ZNF37A: variants seen among roughly 807,000 people sequenced by gnomAD.
ZNF37A encodes zinc finger protein 37A.
Under a neutral mutation model 12.3 loss-of-function variants are expected in ZNF37A, and 10 were observed. That is an observed-to-expected ratio of 0.82 (90% CI 0.50 to 1.38). The LOEUF (loss-of-function observed/expected upper bound fraction) is 1.38, where lower values mean the gene tolerates loss of function less well. ZNF37A is among the 40% of genes most tolerant of loss of function. The pLI, the probability that ZNF37A is intolerant of heterozygous loss-of-function variation, is 0.00. For synonymous variants in ZNF37A, 207 were observed against 223.0 expected, an observed-to-expected ratio of 0.93 and a Z score of 0.64; for missense variants, 580 against 651.2, an observed-to-expected ratio of 0.89 and a Z score of 1.19.
rs1425865870 is a variant in ZNF37A, at chr10:38,121,525, T to A, written c.*2688T>A. 2.6e-5 allele frequency: 4 copies of A among 151,546 alleles called. No individual in the cohort carries two copies. The highest frequency in any genetic ancestry group is 7.3e-5 in the African/African-American group (3 of 41,140). 9.4% of individuals were successfully genotyped at this position (151,546 alleles called of 1,614,324 possible). A position where few individuals can be genotyped will look rare whatever the true frequency, so the allele number is the denominator to read the frequency against. On this transcript the variant is annotated 3_prime_UTR_variant, in exon 8 of 8. Coordinates refer to ENST00000685332, the MANE Select transcript of ZNF37A (RefSeq NM_001324250.3). Reference sequence around the variant, plus strand: ...CTGCTGGCACCAAGAGGGCTGAGGGTGAGGTGTGGAAGGGACAGGGGGAGG... The same window carrying A: ...CTGCTGGCACCAAGAGGGCTGAGGGAGAGGTGTGGAAGGGACAGGGGGAGG...
chr10:38,133,346 A>G (rs1376239720), intron 7 of ZNF37A, among the ~76,000 whole-genome samples: 1 of 152,152 alleles, frequency 6.6e-6, no homozygotes, highest in Non-Finnish European at 1.5e-5. Flanking sequence ...TTTAAGTTCT[A>G]GGGTACATGT....
rs371424835 is a variant in ZNF37A, at chr10:38,094,358, G to C, written c.-624G>C. On this transcript the variant is annotated 5_prime_UTR_variant, in exon 1 of 8. Transcript: ENST00000685332. Reference sequence around the variant, plus strand: ...GTGGGAGATGTAGTGTGCACTTTTCGGCCCCCGTCGCGGGAGCCGCTTCGG... The same window carrying C: ...GTGGGAGATGTAGTGTGCACTTTTCCGCCCCCGTCGCGGGAGCCGCTTCGG... 0.4 allele frequency: 60,647 copies of C among 151,514 alleles called. 12,336 individuals carry two copies. The highest frequency in any genetic ancestry group is 0.5 in the East Asian group (2,530 of 5,098). The allele number at this position is 151,514 out of a possible 1,614,324, so 9.4% of individuals were successfully genotyped here.
chr10:38,103,172 G>A (rs568752836), intron 5 of ZNF37A, among the ~76,000 whole-genome samples: 2 of 152,054 alleles, frequency 1.3e-5, no homozygotes, highest in Non-Finnish European at 2.9e-5. Context: ...TTATTAACTT[G>A]TGGGTATGTT....
At chr10:38,144,961 AGTAAAAT>A (rs1038305669) in intron 7 of ZNF37A, among the ~76,000 whole-genome samples, 15 of 152,198 alleles carry the variant, frequency 9.9e-5, no homozygotes, top group African/African-American at 3.1e-4. Flanking sequence ...CAATGCATTT[AGTAAAAT>A]GATGGATTTA....
intron 5 of ZNF37A, among the ~76,000 whole-genome samples, chr10:38,104,034 G>T (rs2067816292): frequency 6.6e-6 from 1 of 152,180 alleles, no homozygotes; most frequent in African/African-American, 2.4e-5. Context: ...CATGCATATT[G>T]TCTTGGACTT....
Position 38,118,350 on chromosome 10 carries a change from A to T in ZNF37A, c.1199A>T (p.Lys400Ile). The stretch of plus-strand genomic sequence containing the variant: ...TTTCTCAGAAAATCAGACCTCATTA[A>T]ACATCAAAGAATACACACAGGTGAA... ...KAFLRKSDLI[K>I]HQRIHTGEKP... The change falls in exon 8 of 8, where the codon AAA becomes ATA. Residue 400 changes from lysine to isoleucine, a missense_variant. Physicochemically the swap from Lys to Ile is moderately radical, Grantham distance 102 (BLOSUM62 -3). Coordinates refer to ENST00000685332, the MANE Select transcript of ZNF37A (RefSeq NM_001324250.3). 6.2e-7 allele frequency: 1 copy of T among 1,612,688 alleles called. No individual in the cohort carries two copies. The highest frequency in any genetic ancestry group is 8.5e-7 in the Non-Finnish European group (1 of 1,179,624).
chr10:38,110,984 A>G (rs1400654010), intron 5 of ZNF37A, among the ~76,000 whole-genome samples: 1 of 152,220 alleles, frequency 6.6e-6, no homozygotes, highest in East Asian at 1.9e-4. Context: ...ATTACTGGGT[A>G]TATACCCAAA....
chr10:38,116,103 A>C (rs1445820082), intron 7 of ZNF37A, among the ~76,000 whole-genome samples: 1 of 152,172 alleles, frequency 6.6e-6, no homozygotes, highest in East Asian at 1.9e-4. Context: ...TTAAAATTAC[A>C]CATTCAACCA....
rs1218657429 is a variant in ZNF37A, at chr10:38,121,680, G to A, written c.*2843G>A. 2 of 152,218 alleles carry A rather than the reference G, an allele frequency of 1.3e-5. No individual in the cohort carries two copies. Among genetic ancestry groups the A allele is most frequent in the Non-Finnish European group, 2.9e-5 (2 of 68,042 alleles). 9.4% of individuals were successfully genotyped at this position (152,218 alleles called of 1,614,324 possible). On this transcript the variant is annotated 3_prime_UTR_variant, in exon 8 of 8. Coordinates refer to ENST00000685332, the MANE Select transcript of ZNF37A (RefSeq NM_001324250.3). Reference sequence around the variant, plus strand: ...AATGAGGAGAGCTAGAAAACCTGGAGTGTGGCATTAGAATAGAACTCATAT... The same window carrying A: ...AATGAGGAGAGCTAGAAAACCTGGAATGTGGCATTAGAATAGAACTCATAT...
At chr10:38,099,705 C>T (rs1452777717) in intron 5 of ZNF37A, among the ~76,000 whole-genome samples, 1 of 152,156 alleles carries the variant, frequency 6.6e-6, no homozygotes, top group South Asian at 2.1e-4. Context: ...CTGTTTTCTA[C>T]AGAAGGTACA....
intron 7 of ZNF37A, among the ~76,000 whole-genome samples, chr10:38,132,273 T>C (rs771916051): frequency 2.5e-4 from 38 of 152,148 alleles, no homozygotes; most frequent in Admixed American, 2.0e-3. Flanking sequence ...GAGGAATTAT[T>C]CCTTTATTCC....
intron 7 of ZNF37A, among the ~76,000 whole-genome samples, chr10:38,136,734 C>T (rs1333061468): frequency 1.3e-5 from 2 of 151,996 alleles, no homozygotes; most frequent in Non-Finnish European, 2.9e-5. Context: ...TTCAAATATT[C>T]TTTTTGCCCC....
At position 38,123,717 on chromosome 10, in the gene ZNF37A, C is replaced by T. The variant is rs2069844516; in HGVS notation, c.*4880C>T. ...TTCTCAAAAGAAGACATACAAATGG[C>T]AAACAGGCATATGAAAAGGTACTCA... is the stretch of plus-strand genomic sequence containing the variant. On this transcript the variant is annotated 3_prime_UTR_variant, in exon 8 of 8. Coordinates refer to ENST00000685332, the MANE Select transcript of ZNF37A (RefSeq NM_001324250.3). 6.6e-6 allele frequency: 1 copy of T among 152,066 alleles called. No individual in the cohort carries two copies. The highest frequency in any genetic ancestry group is 1.5e-5 in the Non-Finnish European group (1 of 67,998). 9.4% of individuals were successfully genotyped at this position (152,066 alleles called of 1,614,324 possible). A position where few individuals can be genotyped will look rare whatever the true frequency, so the allele number is the denominator to read the frequency against.
chr10:38,119,288 A>G lies in ZNF37A; in HGVS notation c.*451A>G. The G allele has an allele frequency of 2.9e-6, 3 of 1,045,202 alleles. No homozygotes were observed. The South Asian group carries it at 1.2e-4, about 40-fold the overall frequency. 64.7% of individuals were successfully genotyped at this position (1,045,202 alleles called of 1,614,324 possible). A position where few individuals can be genotyped will look rare whatever the true frequency, so the allele number is the denominator to read the frequency against. ...GCTCTAATTGTTCACCACAGAACTC[A>G]TATAAGACAGAAACCCTATGGGTGT... On this transcript the variant is annotated 3_prime_UTR_variant, in exon 8 of 8. Transcript: ENST00000685332.
intron 5 of ZNF37A, among the ~76,000 whole-genome samples, chr10:38,113,045 A>G (rs2135992225): frequency 6.6e-6 from 1 of 151,424 alleles, no homozygotes; most frequent in African/African-American, 2.4e-5. Context: ...TGACCTTGTG[A>G]TCCTCCTGCC....
chr10:38,133,457 C>T (rs920523080), intron 7 of ZNF37A, among the ~76,000 whole-genome samples: 1 of 144,466 alleles, frequency 6.9e-6, no homozygotes, highest in African/African-American at 2.5e-5. Flanking sequence ...TAATGCTATC[C>T]ATCCCCCCTC....
intron 7 of ZNF37A, chr10:38,143,093 C>T (rs1338619036): frequency 6.6e-6 from 1 of 152,206 alleles, no homozygotes; most frequent in Non-Finnish European, 1.5e-5. Flanking sequence ...GTCCCAGGTC[C>T]CCCTGGCAGC....
downstream of ZNF37A, among the ~76,000 whole-genome samples, chr10:38,126,874 T>C (rs1165003342): frequency 6.6e-6 from 1 of 152,172 alleles, no homozygotes; most frequent in Non-Finnish European, 1.5e-5. Flanking sequence ...GTTGGCCCAT[T>C]TCTCTGTGCA....
In ZNF37A at chr10:38,113,140, G is replaced by C. The variant is rs189834299; in HGVS notation, c.16-1615G>C. On this transcript the variant is annotated intron_variant, in intron 5 of 7. Coordinates refer to ENST00000685332, the MANE Select transcript of ZNF37A (RefSeq NM_001324250.3). ...TTCTAGTAGTGTTCAGAGAGTATTT[G>C]TTTTGTTTTCATAGTTAGGCAAATA... is the stretch of plus-strand genomic sequence containing the variant. Among the ~76,000 whole-genome samples the C allele has an allele frequency of 3.7e-3, 525 of 140,954 alleles. 2 individuals carry two copies. Among genetic ancestry groups the C allele is most frequent in the Middle Eastern group, 7.7e-3 (2 of 260 alleles). 92.5% of individuals were successfully genotyped at this position (140,954 alleles called of 152,430 possible).
Sources: allele counts gnomAD v4.1 joint callset (sites outside exome capture counted in the v4.1 genomes callset), GRCh38; gene constraint gnomAD v4.1.1; transcripts MANE v1.5; gene names NCBI Gene and HGNC (gene_info 2026-07-23, HGNC 2026-07-21).